The following STARD9 variants were observed in gnomAD, a reference collection of about 807,000 sequenced individuals.
STARD9 encodes StAR related lipid transfer domain containing 9.
A neutral mutation model predicts 399.8 loss-of-function variants in STARD9; 346 were observed. The observed-to-expected ratio is 0.87, with a 90% CI of 0.79 to 0.95. The LOEUF (loss-of-function observed/expected upper bound fraction) is 0.95. Ranked by LOEUF, STARD9 falls within the 40% of genes least tolerant of loss-of-function variation. The pLI is 0.00. For synonymous variants in STARD9, 2,203 were observed against 2,143.5 expected, an observed-to-expected ratio of 1.03 and a Z score of -0.77; for missense variants, 5,832 against 5,667.5, an observed-to-expected ratio of 1.03 and a Z score of -0.93.
At chr15:42,670,383 C>T (rs1243003488) in intron 16 of STARD9, 1 of 152,224 alleles carries the variant, frequency 6.6e-6, no homozygotes, top group African/African-American at 2.4e-5. Context: ...CTCTGTGTCA[C>T]CTGGAGGCCA....
At chr15:42,716,309 C>G (rs2061348656) in intron 26 of STARD9, among the ~76,000 whole-genome samples, 1 of 152,180 alleles carries the variant, frequency 6.6e-6, no homozygotes, top group Admixed American at 6.5e-5. Context: ...TAAACCCCCT[C>G]TAGCCATGGC....
At chr15:42,710,482 A>C (rs1595822173) in intron 26 of STARD9, among the ~76,000 whole-genome samples, 1 of 152,164 alleles carries the variant, frequency 6.6e-6, no homozygotes, top group East Asian at 1.9e-4. Flanking sequence ...GTTATTCCCT[A>C]AATTCACCAT....
chr15:42,658,958 C>T (rs1302805680), intron 9 of STARD9, among the ~76,000 whole-genome samples: 7 of 151,658 alleles, frequency 4.6e-5, no homozygotes, highest in Admixed American at 4.6e-4. Flanking sequence ...ACTAAAAATA[C>T]AAAAATTAGC....
intron 1 of STARD9, chr15:42,581,286 G>A (rs2058163157): frequency 5.6e-6 from 6 of 1,067,934 alleles, no homozygotes; most frequent in Non-Finnish European, 8.8e-6. Context: ...TGGGGTCTGA[G>A]CCATGGAAGA....
intron 3 of STARD9, among the ~76,000 whole-genome samples, chr15:42,608,245 G>T (rs2058776643): frequency 6.6e-6 from 1 of 152,156 alleles, no homozygotes; most frequent in Non-Finnish European, 1.5e-5. Context: ...CTAGTCTTTA[G>T]GATTGGAGGA....
chr15:42,626,372 C>CTCTTCCTCTTCT (rs1555393277), intron 3 of STARD9, among the ~76,000 whole-genome samples: 5 of 97,806 alleles, frequency 5.1e-5, no homozygotes, highest in African/African-American at 2.5e-4. Flanking sequence ...CCTCTTCTTC[C>CTCTTCCTCTTCT]TCCTCTTCCT....
Position 42,634,916 on chromosome 15 carries a change from C to T in STARD9, c.295C>T (p.Leu99Phe), listed in dbSNP as rs777055958. The T allele has an allele frequency of 5.9e-6, 9 of 1,536,866 alleles. No individual in the cohort carries two copies. In the South Asian group the frequency reaches 1.1e-4, roughly 18 times the overall value. Residue 99 changes from leucine (L) to phenylalanine (F), a missense_variant, in exon 4 of 33, where the codon CTT (leucine) becomes TTT (phenylalanine). Coordinates refer to ENST00000290607, the MANE Select transcript of STARD9 (RefSeq NM_020759.3). Reference protein sequence around the residue: ...SGVAKGYNICLFAYGQTGSGK... With the variant: ...SGVAKGYNICFFAYGQTGSGK... Reference sequence around the variant, plus strand: ...AGTTGCCAAAGGCTATAACATATGCCTTTTTGCTTATGGACAGACAGGCTC... The same window carrying T: ...AGTTGCCAAAGGCTATAACATATGCTTTTTTGCTTATGGACAGACAGGCTC...
rs1279277135 is a variant in STARD9 at position 42,634,868 on chromosome 15, T to G, written c.247T>G (p.Leu83Val). Residue 83 changes from leucine to valine, a missense_variant, in exon 4 of 33, where the codon TTA becomes GTA. Physicochemically the swap from Leu to Val is conservative, Grantham distance 32. Coordinates refer to ENST00000290607, the MANE Select transcript of STARD9 (RefSeq NM_020759.3). Reference sequence around the variant, plus strand: ...TTTGTTGTTACAGGTTTTCCAGGATTTAGGGATGGAAGTACTGTCTGGAGT... The same window carrying G: ...TTTGTTGTTACAGGTTTTCCAGGATGTAGGGATGGAAGTACTGTCTGGAGT... ...YASQDVVFQD[L>V]GMEVLSGVAK... 6.5e-7 allele frequency: 1 copy of G among 1,530,560 alleles called. No individual in the cohort carries two copies. The highest frequency in any genetic ancestry group is 2.0e-5 in the Admixed American group (1 of 50,528). The allele number at this position is 1,530,560 out of a possible 1,614,324, so 94.8% of individuals were successfully genotyped here.
intron 16 of STARD9, chr15:42,669,570 TA>T: frequency 2.6e-6 from 1 of 386,850 alleles, no homozygotes. Flanking sequence ...CAACTGCTGC[TA>T]CTGTTGTTCT....
chr15:42,581,296 A>G, intron 1 of STARD9: 1 of 1,143,536 alleles, frequency 8.7e-7, no homozygotes, highest in South Asian at 1.2e-5. Context: ...GCCATGGAAG[A>G]ACTGCGAAGA....
At chr15:42,628,388 A>C (rs1014704363) in intron 3 of STARD9, among the ~76,000 whole-genome samples, 2 of 152,064 alleles carry the variant, frequency 1.3e-5, no homozygotes, top group African/African-American at 4.8e-5. Context: ...TTGTCACTTC[A>C]CTTGGTTGAT....
chr15:42,583,340 T>TG lies in STARD9; in HGVS notation c.48-6_48-5insG. On this transcript the variant is annotated splice_polypyrimidine_tract_variant and splice_region_variant and intron_variant, in intron 1 of 32. Transcript: ENST00000290607. The stretch of plus-strand genomic sequence containing the variant: ...CATTTCTTCTGAGCTTGGGTCTTGT[T>TG]TCTAGGGAGACCAAAGAAGGGGGAA... 6.5e-7 allele frequency: 1 copy of TG among 1,535,964 alleles called. No individual in the cohort carries two copies. The highest frequency in any genetic ancestry group is 8.7e-7 in the Non-Finnish European group (1 of 1,145,816).
chr15:42,581,174 G>A, intron 1 of STARD9: 1 of 763,008 alleles, frequency 1.3e-6, no homozygotes, highest in Non-Finnish European at 2.4e-6. Context: ...CATGTTTCCT[G>A]TCATGATTGT....
chr15:42,664,962 T>G (rs2060065148), intron 13 of STARD9, among the ~76,000 whole-genome samples: 1 of 152,128 alleles, frequency 6.6e-6, no homozygotes, highest in Admixed American at 6.5e-5. Context: ...GAAATGATTC[T>G]CAAACTTTAG....
chr15:42,694,865 G>A, intron 24 of STARD9, 140 bp downstream of exon 24: 1 of 472,512 alleles, frequency 2.1e-6, no homozygotes, highest in South Asian at 2.2e-5. Context: ...GAAGGGAATG[G>A]AATGAGGGAG....
At chr15:42,633,208 G>C (rs142180459) in intron 3 of STARD9, among the ~76,000 whole-genome samples, 2 of 150,874 alleles carry the variant, frequency 1.3e-5, no homozygotes, top group African/African-American at 4.9e-5. Flanking sequence ...CCCTAATTAC[G>C]TGTATTACTT....
chr15:42,688,688 T>C lies in STARD9; in HGVS notation c.7110T>C (p.His2370=). ...CVLDLTMLKI[H]NSPLVTGVEH... Reference sequence around the variant, plus strand: ...TGGATCTCACAATGTTGAAAATTCATAACAGTCCCTTGGTAACTGGAGTAG... The same window carrying C: ...TGGATCTCACAATGTTGAAAATTCACAACAGTCCCTTGGTAACTGGAGTAG... The change falls in exon 23 of 33, where the codon CAT becomes CAC. Residue 2370 remains histidine (H), a synonymous_variant. Coordinates refer to ENST00000290607, the MANE Select transcript of STARD9 (RefSeq NM_020759.3). 4 of 1,537,724 alleles carry C rather than the reference T, an allele frequency of 2.6e-6. No homozygotes were observed. Among genetic ancestry groups the C allele is most frequent in the Non-Finnish European group, 2.6e-6 (3 of 1,147,014 alleles).
rs1229575266 is a variant in STARD9 at position 42,665,839 on chromosome 15, T to G, written c.1308T>G (p.Asn436Lys). The G allele has an allele frequency of 6.5e-7, 1 of 1,537,104 alleles. No homozygotes were observed. The highest frequency in any genetic ancestry group is 8.7e-7 in the Non-Finnish European group (1 of 1,146,824). The change falls in exon 15 of 33, where the codon AAT becomes AAG. Residue 436 changes from asparagine to lysine, a missense_variant. Asn to Lys is a moderately conservative substitution (Grantham distance 94, BLOSUM62 0). This residue lies in a region of STARD9 where 5,828 missense variants were observed against 5,651.1 expected (regional missense o/e 1.03). Transcript: ENST00000290607. ...DENLKELVLQ[N>K]ELKIDQLTKD... ...ACCTGAAGGAGCTGGTTCTCCAAAA[T>G]GAATTGAAGGTGGGTGTGTTGGGTG...
rs1257883924 is a variant in STARD9, at chr15:42,692,455, C to T, written c.10877C>T (p.Ala3626Val). 2.6e-6 allele frequency: 4 copies of T among 1,537,126 alleles called. No homozygotes were observed. In the East Asian group the frequency reaches 7.3e-5, roughly 28 times the overall value. The change falls in exon 23 of 33, where the codon GCA becomes GTA. Residue 3626 changes from alanine (A) to valine (V), a missense_variant. Physicochemically the swap from Ala to Val is moderately conservative, Grantham distance 64 (BLOSUM62 0). Transcript: ENST00000290607. ...DEIMLLYPSE[A>V]GCPVGQTRTN... Reference sequence around the variant, plus strand: ...ATTATGCTGCTGTATCCATCAGAGGCAGGCTGCCCTGTGGGACAGACCAGG... The same window carrying T: ...ATTATGCTGCTGTATCCATCAGAGGTAGGCTGCCCTGTGGGACAGACCAGG...
Sources: allele counts gnomAD v4.1 joint callset (sites outside exome capture counted in the v4.1 genomes callset), GRCh38; gene constraint gnomAD v4.1.1; regional missense constraint gnomAD v4.1.1; transcripts MANE v1.5; gene names NCBI Gene and HGNC (gene_info 2026-07-23, HGNC 2026-07-21).